INPP4A: variants seen among roughly 807,000 people sequenced by gnomAD.
INPP4A encodes the protein inositol polyphosphate-4-phosphatase, type I, 107kD.
INPP4A carries 33 observed loss-of-function variants against 119.8 expected under a neutral mutation model. That is an observed-to-expected ratio of 0.28 (90% CI 0.21 to 0.37). INPP4A has a LOEUF of 0.37. INPP4A is among the 10% of genes least tolerant of loss of function. The probability of loss-of-function intolerance (pLI) is 1.00; values close to 1 mark genes in which losing one functional copy is unlikely to be tolerated. For synonymous variants in INPP4A, 496 were observed against 500.7 expected (o/e 0.99, Z 0.12); for missense variants, 956 against 1,289.9 (o/e 0.74, Z 3.97).
intron 1 of INPP4A, among the ~76,000 whole-genome samples, chr2:98,459,019 C>T (rs972651444): frequency 6.6e-6 from 1 of 152,206 alleles, no homozygotes; most frequent in Non-Finnish European, 1.5e-5. Flanking sequence ...TGACTTTTAC[C>T]ACATTTGCCA....
At position 98,570,022 on chromosome 2, in the gene INPP4A, G is replaced by A. The variant is rs932402155; in HGVS notation, c.2518+1354G>A. 2.6e-5 allele frequency among the ~76,000 whole-genome samples: 4 copies of A among 152,286 alleles called. No individual in the cohort carries two copies. Among genetic ancestry groups the A allele is most frequent in the East Asian group, 1.9e-4 (1 of 5,170 alleles). ...TGAGGATGCACTCCTCAGCGGCCAC[G>A]TGCAGCTGGCGCTGGGGAGGTGAGG... On this transcript the variant is annotated intron_variant, in intron 22 of 24. Transcript: ENST00000409851. This position sits in a 1 kb window ranked among gnomAD's most constrained non-coding sequence, Gnocchi z 4.3.
chr2:98,559,099 AC>A (rs1246083398), intron 16 of INPP4A, among the ~76,000 whole-genome samples: 2 of 152,258 alleles, frequency 1.3e-5, no homozygotes, highest in Non-Finnish European at 2.9e-5. Context: ...CCGCAAGCCA[AC>A]GCGGGGCTCT....
chr2:98,488,369 C>T (rs1245282792), intron 1 of INPP4A, among the ~76,000 whole-genome samples: 1 of 152,180 alleles, frequency 6.6e-6, no homozygotes, highest in African/African-American at 2.4e-5. Context: ...AGCAAAGCAT[C>T]CAAATGGCAG....
chr2:98,529,415 G>T (rs552098249), intron 4 of INPP4A, among the ~76,000 whole-genome samples: 122 of 152,088 alleles, frequency 8.0e-4, no homozygotes, highest in Non-Finnish European at 1.4e-3. Context: ...TGTGGTGATG[G>T]TTGCACAACT....
chr2:98,563,072 C>T (rs1034273570), intron 17 of INPP4A, among the ~76,000 whole-genome samples: 4 of 152,108 alleles, frequency 2.6e-5, no homozygotes, highest in South Asian at 2.1e-4. Flanking sequence ...CCTTCCTCTC[C>T]GGGTGGAGGT....
At chr2:98,548,459 G>C (rs571381119) in intron 13 of INPP4A, among the ~76,000 whole-genome samples, 16 of 152,288 alleles carry the variant, frequency 1.1e-4, no homozygotes, top group Middle Eastern at 3.4e-3. Flanking sequence ...GAGTGTGAGC[G>C]TGCAGCTTGA....
At chr2:98,484,885 T>C (rs1679232179) in intron 1 of INPP4A, among the ~76,000 whole-genome samples, 1 of 152,186 alleles carries the variant, frequency 6.6e-6, no homozygotes, top group South Asian at 2.1e-4. Context: ...CCTGACAGGC[T>C]TGTAGGCTGC....
At chr2:98,486,023 G>A (rs1326872216) in intron 1 of INPP4A, among the ~76,000 whole-genome samples, 1 of 152,168 alleles carries the variant, frequency 6.6e-6, no homozygotes, top group Non-Finnish European at 1.5e-5. Flanking sequence ...TTTGAGTCAG[G>A]ACCTTCAGTG....
At chr2:98,458,876 C>T (rs1258868416) in intron 1 of INPP4A, among the ~76,000 whole-genome samples, 1 of 152,130 alleles carries the variant, frequency 6.6e-6, no homozygotes, top group African/African-American at 2.4e-5. Context: ...GAGAGAAGTA[C>T]AGCGGAGGCG....
At chr2:98,568,234 TC>T (rs1043956776) in intron 21 of INPP4A, among the ~76,000 whole-genome samples, 53 of 152,174 alleles carry the variant, frequency 3.5e-4, no homozygotes, top group African/African-American at 1.2e-3. Context: ...CCGTCCCCCC[TC>T]CTAAGTGCCT....
At chr2:98,505,383 T>C (rs1683853767) in intron 1 of INPP4A, among the ~76,000 whole-genome samples, 1 of 152,182 alleles carries the variant, frequency 6.6e-6, no homozygotes, top group Non-Finnish European at 1.5e-5. Flanking sequence ...ATGTGGGGCC[T>C]GACTTTTTAT....
chr2:98,445,232 A>G (rs1180039995), intron 1 of INPP4A, 147 bp downstream of exon 1: 5 of 152,162 alleles, frequency 3.3e-5, no homozygotes, highest in African/African-American at 4.8e-5. Flanking sequence ...GCACTGCCTA[A>G]CGGTGCCAGT....
intron 1 of INPP4A, among the ~76,000 whole-genome samples, chr2:98,461,914 C>T (rs896465831): frequency 6.6e-6 from 1 of 152,240 alleles, no homozygotes; most frequent in African/African-American, 2.4e-5. Flanking sequence ...TTCTTTCCAG[C>T]CTGTGCTTCA....
rs995734404 is a variant in INPP4A, at chr2:98,591,555, C to T, written c.*3947C>T. On this transcript the variant is annotated 3_prime_UTR_variant, in exon 25 of 25. Transcript: ENST00000409851. ...AAGACATGTCAGGACGCCCAGACAT[C>T]AGCTACCGTGAGCTTCTTCCTGCCC... The T allele has an allele frequency of 6.6e-6, 1 of 152,134 alleles. No homozygotes were observed. Among genetic ancestry groups the T allele is most frequent in the African/African-American group, 2.4e-5 (1 of 41,406 alleles). 9.4% of individuals were successfully genotyped at this position (152,134 alleles called of 1,614,324 possible).
chr2:98,572,338 G>A (rs548747411), intron 22 of INPP4A, among the ~76,000 whole-genome samples: 4 of 152,238 alleles, frequency 2.6e-5, no homozygotes, highest in Non-Finnish European at 5.9e-5. Context: ...CCGCAGAGAT[G>A]TGTTCTCCTG....
intron 16 of INPP4A, among the ~76,000 whole-genome samples, chr2:98,556,863 C>G (rs1694584149): frequency 6.6e-6 from 1 of 152,228 alleles, no homozygotes; most frequent in African/African-American, 2.4e-5. Flanking sequence ...CGTCACCCAT[C>G]TCTCCATCTA....
In INPP4A at chr2:98,563,503, C is replaced by G. The variant is rs1334248840; in HGVS notation, c.1894C>G (p.Leu632Val). ...GGCCCTTTACCCGCTGCTGACCACT[C>G]TCACCGACTGCGTGGCCATGATGAG... ...SEALYPLLTT[L>V]TDCVAMMSDK... is the part of the protein sequence containing the mutation. Residue 632 changes from leucine (L) to valine (V), a missense_variant, in exon 18 of 25, where the codon CTC becomes GTC. Physicochemically the swap from Leu to Val is conservative, Grantham distance 32 (BLOSUM62 1). Transcript: ENST00000409851. The G allele has an allele frequency of 1.2e-6, 2 of 1,613,738 alleles. No individual in the cohort carries two copies. The highest frequency in any genetic ancestry group is 1.7e-5 in the Admixed American group (1 of 59,994).
intron 1 of INPP4A, among the ~76,000 whole-genome samples, chr2:98,486,506 G>C (rs900667082): frequency 6.6e-6 from 1 of 152,194 alleles, no homozygotes; most frequent in African/African-American, 2.4e-5. Context: ...ATCTGAAATG[G>C]CCTAAAAAGG....
In INPP4A at chr2:98,594,115, C is replaced by A. The variant is rs1559142143; in HGVS notation, c.*6507C>A. ...AAATATTTCCTATTTCAGCACTGGA[C>A]CACGCTGTTTTTCTCACTACATAAT... On this transcript the variant is annotated 3_prime_UTR_variant, in exon 25 of 25. Coordinates refer to ENST00000409851, the MANE Select transcript of INPP4A (RefSeq NM_001134225.2). The A allele has an allele frequency of 6.6e-6, 1 of 152,168 alleles. No homozygotes were observed. Among genetic ancestry groups the A allele is most frequent in the Non-Finnish European group, 1.5e-5 (1 of 68,050 alleles). The allele number at this position is 152,168 out of a possible 1,614,324, so 9.4% of individuals were successfully genotyped here. A position where few individuals can be genotyped will look rare whatever the true frequency, so the allele number is the denominator to read the frequency against.
Sources: gnomAD v4.1 joint callset for allele counts (sites outside exome capture counted in the v4.1 genomes callset) on GRCh38, gnomAD v4.1.1 for gene constraint, Gnocchi (gnomAD v3.1) non-coding constraint, MANE v1.5 for transcripts, NCBI Gene and HGNC (gene_info 2026-07-23, HGNC 2026-07-21) for gene names.